The following NSD3 variants were observed in gnomAD, a reference collection of about 807,000 sequenced individuals.
NSD3 encodes the protein nuclear receptor binding SET domain protein 3, also known as histone-lysine N-methyltransferase NSD3.
Under a neutral mutation model 160.8 loss-of-function variants are expected in NSD3, and 24 were observed. The ratio of observed to expected loss-of-function variants is 0.15; its 90% CI spans 0.11 to 0.21. The LOEUF (loss-of-function observed/expected upper bound fraction) is 0.21. NSD3 is among the 10% of genes least tolerant of loss of function. NSD3 has a pLI of 1.00. For synonymous variants in NSD3, 520 were observed against 600.0 expected (o/e 0.87, Z 1.95); for missense variants, 1,157 against 1,735.9 (o/e 0.67, Z 5.93).
intron 15 of NSD3, among the ~76,000 whole-genome samples, chr8:38,298,453 A>AT (rs1809206601): frequency 6.6e-6 from 1 of 152,178 alleles, no homozygotes; most frequent in African/African-American, 2.4e-5. Flanking sequence ...GCCACTTCAG[A>AT]TGTCTGACAA....
chr8:38,380,352 C>A (rs1811505202), intron 1 of NSD3, among the ~76,000 whole-genome samples: 1 of 152,184 alleles, frequency 6.6e-6, no homozygotes. Flanking sequence ...GCTTCCTACC[C>A]CTTTCACCCG....
rs535579977 is a variant in NSD3, at chr8:38,313,456, T to C, written c.2242+1191A>G. 2.6e-5 allele frequency among the ~76,000 whole-genome samples: 4 copies of C among 152,226 alleles called. No individual in the cohort carries two copies. The South Asian group carries it at 8.3e-4, about 32-fold the overall frequency. ...AATCATAATAGTACCTATCTCATCA[T>C]GGATCAAATGAAATAGCAGGAGAAA... On this transcript the variant is annotated intron_variant, in intron 12 of 23. Coordinates refer to ENST00000317025, the MANE Select transcript of NSD3 (RefSeq NM_023034.2).
intron 2 of NSD3, among the ~76,000 whole-genome samples, chr8:38,343,744 A>G (rs1438888087): frequency 2.0e-5 from 3 of 152,172 alleles, no homozygotes; most frequent in Non-Finnish European, 4.4e-5. Context: ...GTGTACAATA[A>G]AGAACATTTT....
In NSD3 at chr8:38,376,681, C is replaced by T. The variant is rs190580872; in HGVS notation, c.-45+5118G>A. 3.7e-3 allele frequency among the ~76,000 whole-genome samples: 559 copies of T among 152,276 alleles called. 1 individual carries two copies. The highest frequency in any genetic ancestry group is 0.013 in the African/African-American group (546 of 41,558). On this transcript the variant is annotated intron_variant, in intron 1 of 23. Transcript: ENST00000317025. ...TGAACTCCTGACCTCAGGTGATCCA[C>T]CCGCCTTGGCCCCGCAAAGTGCTGG...
At position 38,360,781 on chromosome 8, in the gene NSD3, T is replaced by C. The variant is rs184445457; in HGVS notation, c.-44-12566A>G. Among the ~76,000 whole-genome samples, 246 of 152,328 alleles carry C rather than the reference T, an allele frequency of 1.6e-3. 2 individuals carry two copies. The highest frequency in any genetic ancestry group is 5.6e-3 in the African/African-American group (231 of 41,574). ...AAAAAAAAAATTTGGGAAAAATACA[T>C]TCCCTTTATATTTTCATGTAATTTT... On this transcript the variant is annotated intron_variant, in intron 1 of 23. Transcript: ENST00000317025.
intron 19 of NSD3, among the ~76,000 whole-genome samples, chr8:38,287,242 ATTAT>A (rs908003767): frequency 4.6e-5 from 7 of 152,208 alleles, no homozygotes; most frequent in Admixed American, 2.6e-4. Flanking sequence ...AATAGGTTAA[ATTAT>A]TTATTTATTG....
intron 15 of NSD3, among the ~76,000 whole-genome samples, chr8:38,298,609 G>A (rs1463457623): frequency 2.0e-5 from 3 of 151,930 alleles, no homozygotes; most frequent in Non-Finnish European, 4.4e-5. Context: ...TTCTGAACTT[G>A]GCCCCAGATC....
In NSD3 at chr8:38,279,786, G is replaced by T. The variant is rs1338695879; in HGVS notation, c.3619-105C>A. 6.3e-6 allele frequency: 8 copies of T among 1,272,394 alleles called. No homozygotes were observed. In the African/African-American group the frequency reaches 1.0e-4, roughly 17 times the overall value. The allele number at this position is 1,272,394 out of a possible 1,614,324, so 78.8% of individuals were successfully genotyped here. On this transcript the variant is annotated intron_variant, in intron 20 of 23. Transcript: ENST00000317025. ...CAGCAGCATTTTGCTACCAACTGGT[G>T]TTTGACAACTGACAGATCAGGAAAT...
intron 1 of NSD3, among the ~76,000 whole-genome samples, chr8:38,353,449 T>C (rs1051413544): frequency 4.6e-5 from 7 of 152,350 alleles, no homozygotes; most frequent in Middle Eastern, 6.8e-3. Flanking sequence ...ACCTGTGTTT[T>C]TGGTTCTTGT....
intron 16 of NSD3, among the ~76,000 whole-genome samples, chr8:38,294,661 A>ATATC (rs1809087715): frequency 6.6e-6 from 1 of 152,116 alleles, no homozygotes; most frequent in Admixed American, 6.5e-5. Flanking sequence ...AAATCAACAT[A>ATATC]TATCTAATTA....
At chr8:38,333,460 TTAAAA>T (rs1226553974) in intron 4 of NSD3, among the ~76,000 whole-genome samples, 1 of 152,200 alleles carries the variant, frequency 6.6e-6, no homozygotes. Context: ...AAAATACAAC[TTAAAA>T]TAGAATTGTG....
At chr8:38,309,685 G>A (rs1222218264) in intron 12 of NSD3, among the ~76,000 whole-genome samples, 1 of 152,086 alleles carries the variant, frequency 6.6e-6, no homozygotes, top group Non-Finnish European at 1.5e-5. Flanking sequence ...AGGACCATGG[G>A]GGAAGTGGGG....
At chr8:38,351,129 GC>G (rs902706502) in intron 1 of NSD3, among the ~76,000 whole-genome samples, 1 of 151,272 alleles carries the variant, frequency 6.6e-6, no homozygotes, top group Non-Finnish European at 1.5e-5. Flanking sequence ...CCGCCACCAT[GC>G]CCAGCTATTT....
rs1808428546 is a variant in NSD3 at position 38,270,683 on chromosome 8, G to A, written c.*4958C>T. On this transcript the variant is annotated 3_prime_UTR_variant, in exon 24 of 24. Coordinates refer to ENST00000317025, the MANE Select transcript of NSD3 (RefSeq NM_023034.2). Reference sequence around the variant, plus strand: ...CAAGTGTGTTGGCAGGCAGGGAGGGGAGCAGTAAAAGCTGAGGGTGCTTTC... The same window carrying A: ...CAAGTGTGTTGGCAGGCAGGGAGGGAAGCAGTAAAAGCTGAGGGTGCTTTC... 6.6e-6 allele frequency: 1 copy of A among 152,234 alleles called. No homozygotes were observed. Among genetic ancestry groups the A allele is most frequent in the Admixed American group, 6.5e-5 (1 of 15,284 alleles). 9.4% of individuals were successfully genotyped at this position (152,234 alleles called of 1,614,324 possible).
intron 2 of NSD3, 58 bp downstream of exon 2, chr8:38,347,439 T>G: frequency 6.6e-7 from 1 of 1,517,190 alleles, no homozygotes; most frequent in Non-Finnish European, 8.8e-7. Flanking sequence ...AAAGATCTCT[T>G]GAACTTCCAG....
intron 12 of NSD3, among the ~76,000 whole-genome samples, chr8:38,308,638 G>A (rs1481925493): frequency 6.6e-5 from 10 of 151,910 alleles, no homozygotes; most frequent in Non-Finnish European, 1.5e-4. Context: ...GAGCAACACA[G>A]TAAGACCCCA....
At chr8:38,359,294 A>G (rs1810901659) in intron 1 of NSD3, among the ~76,000 whole-genome samples, 1 of 152,182 alleles carries the variant, frequency 6.6e-6, no homozygotes, top group African/African-American at 2.4e-5. Flanking sequence ...ACATATTTTT[A>G]AAGGACCCAA....
At chr8:38,313,255 C>T (rs1809576207) in intron 12 of NSD3, among the ~76,000 whole-genome samples, 1 of 152,008 alleles carries the variant, frequency 6.6e-6, no homozygotes, top group Non-Finnish European at 1.5e-5. Flanking sequence ...GGATATATGA[C>T]ATATGACTTG....
At chr8:38,355,446 T>C (rs900676413) in intron 1 of NSD3, among the ~76,000 whole-genome samples, 2 of 152,078 alleles carry the variant, frequency 1.3e-5, no homozygotes, top group Admixed American at 6.5e-5. Flanking sequence ...AAAGGTACTT[T>C]CAATCTCTTT....
Sources: allele counts gnomAD v4.1 joint callset (sites outside exome capture counted in the v4.1 genomes callset), GRCh38; gene constraint gnomAD v4.1.1; transcripts MANE v1.5; gene names NCBI Gene and HGNC (gene_info 2026-07-23, HGNC 2026-07-21).